AK9: variants seen among roughly 807,000 people sequenced by gnomAD.
The protein encoded by AK9 is adenylate kinase domain containing 1.
In AK9, 191 loss-of-function variants were observed where a neutral mutation model predicts 239.6. The observed-to-expected ratio is 0.80, with a 90% CI of 0.71 to 0.90. AK9 has a LOEUF of 0.90. Ranked by LOEUF, AK9 falls within the 40% of genes least tolerant of loss-of-function variation. AK9 has a pLI of 0.00. For synonymous variants in AK9, 689 were observed against 721.0 expected, an observed-to-expected ratio of 0.96 and a Z score of 0.71; for missense variants, 1,995 against 2,214.7, an observed-to-expected ratio of 0.90 and a Z score of 1.99.
intron 12 of AK9, among the ~76,000 whole-genome samples, chr6:109,626,121 C>T (rs1419426693): frequency 6.6e-6 from 1 of 152,098 alleles, no homozygotes; most frequent in Non-Finnish European, 1.5e-5. Flanking sequence ...CAAGCTAATT[C>T]AGTAAAACGT....
chr6:109,651,023 T>C (rs755876386), intron 8 of AK9, among the ~76,000 whole-genome samples: 1 of 151,956 alleles, frequency 6.6e-6, no homozygotes, highest in Non-Finnish European at 1.5e-5. Context: ...TAGGTGGGAA[T>C]TGAACAATGA....
At chr6:109,633,388 A>G (rs1022926581) in intron 10 of AK9, 65 bp from the exon 11 acceptor site, 3 of 1,463,858 alleles carry the variant, frequency 2.0e-6, no homozygotes, top group African/African-American at 2.9e-5. Context: ...GGAGCATTAA[A>G]TATTTCATTT....
chr6:109,572,369 T>C (rs1050851070), intron 21 of AK9, among the ~76,000 whole-genome samples: 1 of 152,168 alleles, frequency 6.6e-6, no homozygotes, highest in African/African-American at 2.4e-5. Context: ...CAATGAAATG[T>C]AGGTGAAAGT....
At chr6:109,508,938 CAG>C (rs1562328212) in intron 33 of AK9, among the ~76,000 whole-genome samples, 1 of 152,144 alleles carries the variant, frequency 6.6e-6, no homozygotes, top group Admixed American at 6.5e-5. Flanking sequence ...TTGGACAACT[CAG>C]GGGTTGCTGG....
At chr6:109,580,695 A>T (rs1211138792) in intron 19 of AK9, among the ~76,000 whole-genome samples, 1 of 152,048 alleles carries the variant, frequency 6.6e-6, no homozygotes, top group Non-Finnish European at 1.5e-5. Flanking sequence ...TTAATGGAGG[A>T]CATTCTCTCA....
chr6:109,664,954 C>T (rs965392795), intron 5 of AK9, among the ~76,000 whole-genome samples: 2 of 151,924 alleles, frequency 1.3e-5, no homozygotes, highest in South Asian at 2.1e-4. Flanking sequence ...GCAGGAGAAT[C>T]GCTTGAACCC....
At chr6:109,632,020 T>G in intron 12 of AK9, 1 of 323,726 alleles carries the variant, frequency 3.1e-6, no homozygotes, top group Non-Finnish European at 4.4e-6. Context: ...TACCTTTGTG[T>G]GGAGAGTGAG....
chr6:109,505,935 G>A (rs900828813), intron 35 of AK9, among the ~76,000 whole-genome samples: 1 of 152,144 alleles, frequency 6.6e-6, no homozygotes, highest in Non-Finnish European at 1.5e-5. Flanking sequence ...TATCTGGAGA[G>A]GCACTGTTCC....
chr6:109,659,340 CT>C lies in AK9; in HGVS notation c.517del (p.Arg173GlufsTer54). The stretch of plus-strand genomic sequence containing the variant: ...AATGACTTCAGGATCCCACTGGTCT[CT>C]ACTGTATATGTATCCCGTATTATTG... ...QHNNTGYIYS[R>X]DQWDPEVIEN... On this transcript the variant is annotated frameshift_variant, in exon 7 of 41. Coordinates refer to ENST00000424296, the MANE Select transcript of AK9 (RefSeq NM_001145128.3). LOFTEE classifies it high-confidence loss of function. 1 of 1,611,544 alleles carries C rather than the reference CT, an allele frequency of 6.2e-7. No homozygotes were observed. Among genetic ancestry groups the C allele is most frequent in the South Asian group, 1.1e-5 (1 of 90,528 alleles).
At chr6:109,545,582 A>G (rs1262256372) in intron 26 of AK9, among the ~76,000 whole-genome samples, 1 of 152,170 alleles carries the variant, frequency 6.6e-6, no homozygotes, top group Admixed American at 6.5e-5. Context: ...GCCTTCTGCC[A>G]TGACTGTGAA....
chr6:109,534,082 T>C (rs1037935418), intron 27 of AK9, among the ~76,000 whole-genome samples: 2 of 152,098 alleles, frequency 1.3e-5, no homozygotes, highest in Non-Finnish European at 2.9e-5. Context: ...ATTGTTAATG[T>C]ATGTATCCTG....
chr6:109,657,556 T>C (rs964847828), intron 7 of AK9, among the ~76,000 whole-genome samples: 6 of 151,278 alleles, frequency 4.0e-5, no homozygotes, highest in African/African-American at 1.4e-4. Flanking sequence ...TTTCTTTTTT[T>C]TTTTTAATTA....
chr6:109,593,058 A>T (rs1393203118), intron 17 of AK9, among the ~76,000 whole-genome samples: 1 of 151,976 alleles, frequency 6.6e-6, no homozygotes. Context: ...AGACTTTATT[A>T]CTTTTCTTTC....
chr6:109,650,294 A>C (rs1798735528), intron 8 of AK9, among the ~76,000 whole-genome samples: 1 of 151,990 alleles, frequency 6.6e-6, no homozygotes, highest in Non-Finnish European at 1.5e-5. Flanking sequence ...CAGAGTGAAC[A>C]GGCAACCTAC....
At chr6:109,573,806 T>C (rs1787724793) in intron 20 of AK9, among the ~76,000 whole-genome samples, 1 of 152,182 alleles carries the variant, frequency 6.6e-6, no homozygotes, top group Non-Finnish European at 1.5e-5. Context: ...CAGAGTTCTG[T>C]ATGAGTACCA....
chr6:109,640,931 T>G (rs961781262), intron 10 of AK9, among the ~76,000 whole-genome samples: 1 of 152,102 alleles, frequency 6.6e-6, no homozygotes, highest in African/African-American at 2.4e-5. Context: ...GGTCTTCACA[T>G]TCTTTGGTGC....
chr6:109,641,703 C>CTTG, intron 9 of AK9, 87 bp from the exon 10 acceptor site: 1 of 1,062,442 alleles, frequency 9.4e-7, no homozygotes, highest in Non-Finnish European at 1.4e-6. Context: ...GAGCCAAGAC[C>CTTG]ATGCTCCCCC....
intron 29 of AK9, chr6:109,528,125 C>T (rs1267308376): frequency 2.1e-5 from 5 of 238,420 alleles, no homozygotes; most frequent in African/African-American, 2.3e-5. Context: ...AGGGATACTG[C>T]GTAGGTGTGT....
At chr6:109,593,332 G>C (rs1048779049) in intron 17 of AK9, among the ~76,000 whole-genome samples, 2 of 151,934 alleles carry the variant, frequency 1.3e-5, no homozygotes, top group Non-Finnish European at 2.9e-5. Flanking sequence ...TCAAGTCCCT[G>C]AACAGACAAT....
Sources: gnomAD v4.1 joint callset for allele counts (sites outside exome capture counted in the v4.1 genomes callset) on GRCh38, gnomAD v4.1.1 for gene constraint, MANE v1.5 for transcripts, NCBI Gene and HGNC (gene_info 2026-07-23, HGNC 2026-07-21) for gene names.